The following TENM3 variants were observed in gnomAD, a reference collection of about 807,000 sequenced individuals.
TENM3 encodes teneurin transmembrane protein 3, also known as teneurin-3.
A neutral mutation model predicts 255.1 loss-of-function variants in TENM3; 63 were observed. That is an observed-to-expected ratio of 0.25 (90% CI 0.20 to 0.30). The LOEUF is 0.30. Ranked by LOEUF, TENM3 falls within the 10% of genes least tolerant of loss-of-function variation. The pLI, the probability that TENM3 is intolerant of heterozygous loss-of-function variation, is 1.00. For missense variants in TENM3, 2,929 were observed against 3,461.1 expected (o/e 0.85, Z 3.86); for synonymous variants, 1,306 against 1,322.3 (o/e 0.99, Z 0.27).
chr4:181,882,150 C>T, the TENM3 span, among the ~76,000 whole-genome samples: 1 of 152,240 alleles, frequency 6.6e-6, no homozygotes, highest in African/African-American at 2.4e-5. Context: ...GGCTGCAAGA[C>T]CCTGACTCTC....
chr4:182,136,817 A>G, the TENM3 span, among the ~76,000 whole-genome samples: 1 of 152,252 alleles, frequency 6.6e-6, no homozygotes, highest in African/African-American at 2.4e-5. Context: ...GAAAGAGGCT[A>G]AAGTATTTTC....
the TENM3 span, among the ~76,000 whole-genome samples, chr4:181,801,303 C>A: frequency 6.6e-6 from 1 of 152,184 alleles, no homozygotes; most frequent in East Asian, 1.9e-4. Flanking sequence ...TGAACAGTGA[C>A]AGGTTCTGCA....
At chr4:182,381,630 C>T (rs1384126140) in intron 3 of TENM3, among the ~76,000 whole-genome samples, 4 of 143,158 alleles carry the variant, frequency 2.8e-5, no homozygotes, top group South Asian at 2.3e-4. Flanking sequence ...ATCTCGATCT[C>T]GGCTCACTGC....
intron 1 of TENM3, among the ~76,000 whole-genome samples, chr4:182,186,385 T>C (rs1753152785): frequency 6.6e-6 from 1 of 152,124 alleles, no homozygotes; most frequent in Non-Finnish European, 1.5e-5. Context: ...TAATTATTCC[T>C]TTTACAAAAT....
the TENM3 span, among the ~76,000 whole-genome samples, chr4:182,006,881 G>A: frequency 2.0e-5 from 3 of 152,000 alleles, no homozygotes; most frequent in Non-Finnish European, 4.4e-5. Flanking sequence ...ATAAGTTTCT[G>A]TCTTAATACT....
intron 19 of TENM3, chr4:182,744,290 C>A: frequency 4.1e-6 from 2 of 487,808 alleles, no homozygotes; most frequent in Non-Finnish European, 5.3e-6. Flanking sequence ...CACACATCAT[C>A]GAAGGAATTA....
chr4:182,096,654 A>G, the TENM3 span, among the ~76,000 whole-genome samples: 72 of 152,324 alleles, frequency 4.7e-4, no homozygotes, highest in African/African-American at 1.6e-3. Flanking sequence ...TGACTTGACG[A>G]CTAAGCCAGG....
the TENM3 span, among the ~76,000 whole-genome samples, chr4:182,101,144 A>G: frequency 1.1e-4 from 5 of 44,710 alleles, no homozygotes; most frequent in African/African-American, 5.7e-4. Flanking sequence ...GGAAGGAAAG[A>G]AGGGAGGGAG....
chr4:182,610,220 G>C (rs1748857522), intron 4 of TENM3, among the ~76,000 whole-genome samples: 1 of 152,208 alleles, frequency 6.6e-6, no homozygotes, highest in Non-Finnish European at 1.5e-5. Context: ...TGGTGTCTTA[G>C]AGATAATTCA....
chr4:181,486,448 C>A, the TENM3 span, among the ~76,000 whole-genome samples: 1 of 152,148 alleles, frequency 6.6e-6, no homozygotes, highest in African/African-American at 2.4e-5. Flanking sequence ...GAATATGGCT[C>A]ATTTAAAAGT....
the TENM3 span, among the ~76,000 whole-genome samples, chr4:181,678,913 C>T: frequency 4.7e-5 from 7 of 150,536 alleles, no homozygotes; most frequent in East Asian, 1.9e-4. Flanking sequence ...TAAATAACAG[C>T]GATATGATGA....
intron 5 of TENM3, among the ~76,000 whole-genome samples, chr4:182,651,465 C>T (rs1336564376): frequency 2.0e-5 from 3 of 151,972 alleles, no homozygotes; most frequent in Admixed American, 6.6e-5. Flanking sequence ...CCGAGGCATG[C>T]GGATTGCCTG....
the TENM3 span, among the ~76,000 whole-genome samples, chr4:181,531,313 C>G: frequency 2.0e-5 from 3 of 152,140 alleles, no homozygotes; most frequent in African/African-American, 7.2e-5. Context: ...CAGGAGTGAA[C>G]CCCAACGACA....
chr4:181,559,372 T>A, the TENM3 span, among the ~76,000 whole-genome samples: 1 of 152,256 alleles, frequency 6.6e-6, no homozygotes, highest in East Asian at 1.9e-4. Context: ...CCTTTTAAAT[T>A]ATGGCTTGTA....
At chr4:182,296,389 G>T (rs759652186) in intron 1 of TENM3, among the ~76,000 whole-genome samples, 1 of 152,104 alleles carries the variant, frequency 6.6e-6, no homozygotes, top group African/African-American at 2.4e-5. Flanking sequence ...AATCATAAGG[G>T]ACTTTTTCTT....
the TENM3 span, among the ~76,000 whole-genome samples, chr4:182,037,563 A>C: frequency 6.6e-6 from 1 of 152,210 alleles, no homozygotes; most frequent in African/African-American, 2.4e-5. Flanking sequence ...CAGCAGAATA[A>C]AGTTTAATCA....
the TENM3 span, among the ~76,000 whole-genome samples, chr4:181,848,341 A>T: frequency 6.6e-6 from 1 of 152,322 alleles, no homozygotes; most frequent in Admixed American, 6.5e-5. Flanking sequence ...TTGGGCTAAG[A>T]TTGTTGGTGA....
the TENM3 span, among the ~76,000 whole-genome samples, chr4:181,860,676 G>T: frequency 6.6e-6 from 1 of 152,176 alleles, no homozygotes; most frequent in African/African-American, 2.4e-5. Flanking sequence ...TGCAATGTGT[G>T]TAAAATTTTC....
At chr4:182,730,694 A>C (rs997000230) in intron 15 of TENM3, among the ~76,000 whole-genome samples, 184 bp from the exon 16 acceptor site, 3 of 152,260 alleles carry the variant, frequency 2.0e-5, no homozygotes. Flanking sequence ...TGGTGAATAC[A>C]CATAGGACAC....
Sources: allele counts gnomAD v4.1 joint callset (sites outside exome capture counted in the v4.1 genomes callset), GRCh38; gene constraint gnomAD v4.1.1; transcripts MANE v1.5; gene names NCBI Gene and HGNC (gene_info 2026-07-23, HGNC 2026-07-21).